Variants in CTSZ observed in about 807,000 individuals in gnomAD.
CTSZ encodes carboxypeptidase LB.
A neutral mutation model predicts 32.4 loss-of-function variants in CTSZ; 39 were observed. The observed-to-expected ratio is 1.20, with a 90% CI of 0.93 to 1.57. The LOEUF is 1.57. CTSZ is among the 40% of genes most tolerant of loss of function. The pLI is 0.00. For missense variants in CTSZ, 397 were observed against 419.6 expected, an observed-to-expected ratio of 0.95 and a Z score of 0.47; for synonymous variants, 168 against 170.1, an observed-to-expected ratio of 0.99 and a Z score of 0.10.
At chr20:58,999,013 G>A (rs1296320352) in intron 3 of CTSZ, among the ~76,000 whole-genome samples, 3 of 152,050 alleles carry the variant, frequency 2.0e-5, no homozygotes, top group East Asian at 1.9e-4. Context: ...ACTATTTATC[G>A]CAATCAGGTT....
chr20:58,997,143 C>T (rs933461971), intron 4 of CTSZ, among the ~76,000 whole-genome samples: 4 of 117,944 alleles, frequency 3.4e-5, no homozygotes, highest in Non-Finnish European at 4.8e-5. Context: ...GCCTGGGTGA[C>T]AGAGTGAGAC....
rs9760 is a variant in CTSZ, at chr20:58,996,708, A to G, written c.732T>C (p.Ser244=). 1,037,187 of 1,613,790 alleles carry G rather than the reference A, an allele frequency of 0.64. 334,683 individuals are homozygous for G. Among genetic ancestry groups the G allele is most frequent in the East Asian group, 0.8 (35,863 of 44,870 alleles). The change falls in exon 5 of 6, where the codon TCT becomes TCC. Residue 244 remains serine (S), a synonymous_variant. Coordinates refer to ENST00000217131, the MANE Select transcript of CTSZ (RefSeq NM_001336.4). ...QDTTYINHVV[S]VAGWGISDGT... is the part of the protein sequence containing the mutation. Reference sequence around the variant, plus strand: ...CATCACTGATGCCCCACCCAGCCACAGAAACGACATGGTTTATATATGTGG... The same window carrying G: ...CATCACTGATGCCCCACCCAGCCACGGAAACGACATGGTTTATATATGTGG...
intron 2 of CTSZ, among the ~76,000 whole-genome samples, chr20:59,003,243 C>T (rs1288479473): frequency 6.6e-6 from 1 of 152,192 alleles, no homozygotes. Context: ...AGTCCTGGCC[C>T]AGAGGCAGAG....
rs985268507 is a variant in CTSZ at position 59,004,160 on chromosome 20, G to A, written c.307+2162C>T. Among the ~76,000 whole-genome samples the A allele has an allele frequency of 2.0e-5, 3 of 152,232 alleles. No homozygotes were observed. The highest frequency in any genetic ancestry group is 4.8e-5 in the African/African-American group (2 of 41,454). Reference sequence around the variant, plus strand: ...CCAGGGAGGACTGGGGAAGAAATGGGCTGTCAGGTGACAGTAGTGGAAGGA... The same window carrying A: ...CCAGGGAGGACTGGGGAAGAAATGGACTGTCAGGTGACAGTAGTGGAAGGA... On this transcript the variant is annotated intron_variant, in intron 2 of 5. Coordinates refer to ENST00000217131, the MANE Select transcript of CTSZ (RefSeq NM_001336.4). This position sits in a 1 kb window ranked among gnomAD's most constrained non-coding sequence, Gnocchi z 5.6.
At position 58,996,639 on chromosome 20, in the gene CTSZ, C is replaced by T. The variant is rs1457913192; in HGVS notation, c.801G>A (p.Trp267Ter). Residue 267 changes from tryptophan (W) to a stop codon, truncating the protein, a stop_gained and splice_region_variant, in exon 5 of 6, where the codon TGG (tryptophan) becomes TGA (stop). Coordinates refer to ENST00000217131, the MANE Select transcript of CTSZ (RefSeq NM_001336.4). LOFTEE classifies it high-confidence loss of function. ...WIVRNSWGEP[W>*]GERGWLRIVT... ...CCTTAAGAAAATGAAAACATCTTACCCATGGTTCACCCCATGAATTCCGGA... is the reference window on the plus strand; with the variant it reads ...CCTTAAGAAAATGAAAACATCTTACTCATGGTTCACCCCATGAATTCCGGA... 1.2e-6 allele frequency: 2 copies of T among 1,613,800 alleles called. No individual in the cohort carries two copies. The highest frequency in any genetic ancestry group is 1.7e-6 in the Non-Finnish European group (2 of 1,179,876).
chr20:59,006,733 C>T (rs974686639), intron 1 of CTSZ, among the ~76,000 whole-genome samples: 1 of 152,220 alleles, frequency 6.6e-6, no homozygotes, highest in Non-Finnish European at 1.5e-5. Flanking sequence ...CATGCCGCGC[C>T]GTAAGGGCCA....
At chr20:58,997,775 C>T (rs751884841) in intron 3 of CTSZ, 22 bp from the exon 4 acceptor site, 1 of 1,574,450 alleles carries the variant, frequency 6.4e-7, no homozygotes. Flanking sequence ...CAAGAAAAGT[C>T]AGCATGAGGC....
intron 2 of CTSZ, among the ~76,000 whole-genome samples, chr20:59,003,401 C>T (rs565920707): frequency 8.5e-5 from 13 of 152,224 alleles, no homozygotes; most frequent in Admixed American, 3.9e-4. Context: ...CATCTGGGAA[C>T]GGGCTTATTA....
intron 4 of CTSZ, chr20:58,997,291 C>T (rs1022715929): frequency 1.5e-5 from 4 of 264,098 alleles, no homozygotes; most frequent in Middle Eastern, 1.1e-3. Context: ...TGAAACTGCC[C>T]CCTCGGTACA....
chr20:59,000,247 G>A (rs1053092177), intron 3 of CTSZ, among the ~76,000 whole-genome samples: 8 of 151,824 alleles, frequency 5.3e-5, no homozygotes, highest in South Asian at 2.1e-4. Flanking sequence ...GCGTGGTGGC[G>A]CATGCCTGTA....
chr20:58,999,287 C>T (rs2091877084), intron 3 of CTSZ, among the ~76,000 whole-genome samples: 1 of 152,162 alleles, frequency 6.6e-6, no homozygotes, highest in South Asian at 2.1e-4. Context: ...CCGCCCGCCT[C>T]AGCCTCCCAA....
chr20:58,996,616 T>A, intron 5 of CTSZ, 23 bp downstream of exon 5: 2 of 1,610,500 alleles, frequency 1.2e-6, no homozygotes, highest in Non-Finnish European at 1.7e-6. Context: ...AGGAATGACC[T>A]TAAGAAAATG....
chr20:58,998,921 C>T (rs1714471169), intron 3 of CTSZ, among the ~76,000 whole-genome samples: 1 of 152,248 alleles, frequency 6.6e-6, no homozygotes, highest in African/African-American at 2.4e-5. Flanking sequence ...CAATTTGTTC[C>T]TTGCACACCA....
intron 4 of CTSZ, 54 bp downstream of exon 4, chr20:58,997,549 G>A (rs1009589384): frequency 1.1e-5 from 16 of 1,478,038 alleles, no homozygotes; most frequent in Non-Finnish European, 1.4e-5. Context: ...TTCCTCACCC[G>A]CGGGACCTTT....
At chr20:59,006,693 G>A (rs2091909865) in intron 1 of CTSZ, among the ~76,000 whole-genome samples, 1 of 152,226 alleles carries the variant, frequency 6.6e-6, no homozygotes, top group South Asian at 2.1e-4. Flanking sequence ...GGGCACCCCC[G>A]AAAGGAGGGA....
Position 59,004,115 on chromosome 20 carries a change from C to T in CTSZ, c.307+2207G>A, listed in dbSNP as rs2091900100. On this transcript the variant is annotated intron_variant, in intron 2 of 5. Transcript: ENST00000217131. The surrounding 1 kb of genome is among the most constrained non-coding windows in gnomAD (Gnocchi z 5.6). ...GTCGGGTACCAGTCCAGGCTTTTGC[C>T]TGCATAGCCGGAAGGACAGCCAGGG... is the stretch of plus-strand genomic sequence containing the variant. Among the ~76,000 whole-genome samples the T allele has an allele frequency of 6.6e-6, 1 of 152,218 alleles. No homozygotes were observed. Among genetic ancestry groups the T allele is most frequent in the Admixed American group, 6.5e-5 (1 of 15,278 alleles).
intron 3 of CTSZ, among the ~76,000 whole-genome samples, chr20:59,000,913 T>C (rs1448340407): frequency 6.8e-6 from 1 of 146,624 alleles, no homozygotes; most frequent in Admixed American, 7.0e-5. Flanking sequence ...CACTGCAACC[T>C]CTGCCTCCCG....
intron 4 of CTSZ, among the ~76,000 whole-genome samples, chr20:58,997,112 A>G (rs1292190024): frequency 6.7e-6 from 1 of 150,370 alleles, no homozygotes; most frequent in Non-Finnish European, 1.5e-5. Context: ...CAGTGAGCGA[A>G]GATCATACCA....
At chr20:58,997,879 C>G (rs764945066) in intron 3 of CTSZ, 126 bp from the exon 4 acceptor site, 11 of 819,664 alleles carry the variant, frequency 1.3e-5, no homozygotes, top group Non-Finnish European at 1.8e-5. Context: ...GAACGGAAAT[C>G]ATCTTGCTAT....
Sources: gnomAD v4.1 joint callset for allele counts (sites outside exome capture counted in the v4.1 genomes callset) on GRCh38, gnomAD v4.1.1 for gene constraint, Gnocchi (gnomAD v3.1) non-coding constraint, MANE v1.5 for transcripts, NCBI Gene and HGNC (gene_info 2026-07-23, HGNC 2026-07-21) for gene names.